TIAM1: variants seen among roughly 807,000 people sequenced by gnomAD.
The protein encoded by TIAM1 is TIAM Rac1 associated GEF 1.
In TIAM1, 65 loss-of-function variants were observed where a neutral mutation model predicts 163.5. The ratio of observed to expected loss-of-function variants is 0.40; its 90% CI spans 0.33 to 0.49. The LOEUF (loss-of-function observed/expected upper bound fraction) is 0.49. Ranked by LOEUF, TIAM1 falls within the 20% of genes least tolerant of loss-of-function variation. TIAM1 has a pLI of 0.77. For missense variants in TIAM1, 1,789 were observed against 2,044.7 expected (o/e 0.87, Z 2.41); for synonymous variants, 833 against 810.1 (o/e 1.03, Z -0.48).
chr21:31,142,647 GAAAGAAAAAAAGAAAAAGAA>G lies in TIAM1; in HGVS notation c.3476-1163_3476-1144del, dbSNP rs2082907378. ...CTCCGTCTCAAAAAAAAAAAAAAAAGAAAGAAAAAAAGAAAAAGAAAAAGAAAAAAAAGGCAAGCAGATGC... is the reference window on the plus strand; with the variant it reads ...CTCCGTCTCAAAAAAAAAAAAAAAAGAAAGAAAAAAAAGGCAAGCAGATGC... On this transcript the variant is annotated intron_variant, in intron 20 of 27. Transcript: ENST00000541036. Among the ~76,000 whole-genome samples, 5 of 130,220 alleles carry G rather than the reference GAAAGAAAAAAAGAAAAAGAA, an allele frequency of 3.8e-5. No homozygotes were observed. In the South Asian group the frequency reaches 1.2e-3, roughly 31 times the overall value. The allele number at this position is 130,220 out of a possible 152,430, so 85.4% of individuals were successfully genotyped here.
chr21:31,395,710 G>A lies in TIAM1; in HGVS notation c.-368-56288C>T, dbSNP rs769182797. On this transcript the variant is annotated intron_variant, in intron 2 of 28. Coordinates refer to the TIAM1 transcript ENST00000286827. The surrounding 1 kb of genome is among the most constrained non-coding windows in gnomAD (Gnocchi z 7.5). ...CATCTATCTTGGGGAGGGGGCGCAT[G>A]CGTTCCCCTGGCTGTCGCGTGAAAA... 2.6e-5 allele frequency among the ~76,000 whole-genome samples: 4 copies of A among 152,182 alleles called. No homozygotes were observed. Among genetic ancestry groups the A allele is most frequent in the Admixed American group, 6.5e-5 (1 of 15,274 alleles).
intron 9 of TIAM1, among the ~76,000 whole-genome samples, chr21:31,213,691 G>GA (rs551771993): frequency 0.1 from 14,820 of 148,300 alleles, 2,273 homozygotes; most frequent in African/African-American, 0.34. Context: ...TTGACAGTTG[G>GA]AAAAAAAAAA....
chr21:31,266,474 T>C lies in TIAM1; in HGVS notation c.499A>G (p.Lys167Glu). 6.2e-7 allele frequency: 1 copy of C among 1,614,192 alleles called. No homozygotes were observed. The highest frequency in any genetic ancestry group is 8.5e-7 in the Non-Finnish European group (1 of 1,180,044). ...ATGTCTGCAGATTTGGAGCGTTTCT[T>C]CTTAAAGCTCGCCGTCTCCATGAAA... The part of the protein sequence containing the change: ...PTFMETASFK[K>E]KRSKSADIWR... Residue 167 changes from lysine (K) to glutamate (E), a missense_variant, in exon 4 of 28, where the codon AAG becomes GAG. Lys to Glu is a moderately conservative substitution (Grantham distance 56, BLOSUM62 1). This residue lies in a region of TIAM1 where 555 missense variants were observed against 564.9 expected (regional missense o/e 0.98). Transcript: ENST00000541036.
At position 31,153,142 on chromosome 21, in the gene TIAM1, T is replaced by A. The variant is rs2083456290; in HGVS notation, c.3172-8A>T. 6.2e-7 allele frequency: 1 copy of A among 1,603,532 alleles called. No homozygotes were observed. Among genetic ancestry groups the A allele is most frequent in the Admixed American group, 1.7e-5 (1 of 57,784 alleles). On this transcript the variant is annotated splice_region_variant and splice_polypyrimidine_tract_variant and intron_variant, in intron 17 of 27. Coordinates refer to ENST00000541036, the MANE Select transcript of TIAM1 (RefSeq NM_001353694.2). The stretch of plus-strand genomic sequence containing the variant: ...CATAAGACAGTTTAAATCCTAAGAA[T>A]TGAAAAGAGAACTCATTAGCTTATG...
Position 31,442,630 on chromosome 21 carries a change from T to C in TIAM1, c.-369+21353A>G, listed in dbSNP as rs79820124. Among the ~76,000 whole-genome samples the C allele has an allele frequency of 7.0e-4, 106 of 152,262 alleles. 5 individuals are homozygous for C. In the East Asian group the frequency reaches 0.019, roughly 28 times the overall value. The stretch of plus-strand genomic sequence containing the variant: ...CAAAGGTGGAAAATGAGGAACTTGA[T>C]CAGATTATCAAGGGTGGTCAGATAT... On this transcript the variant is annotated intron_variant, in intron 2 of 28. Coordinates refer to the TIAM1 transcript ENST00000286827.
At chr21:31,452,963 G>T in intron 2 of TIAM1, 1 of 512,604 alleles carries the variant, frequency 2.0e-6, no homozygotes, top group Admixed American at 2.1e-5. Flanking sequence ...GTGAACTCAG[G>T]CTGAATGGGG....
chr21:31,399,508 G>A (rs1049302897), intron 2 of TIAM1, among the ~76,000 whole-genome samples: 1 of 152,096 alleles, frequency 6.6e-6, no homozygotes, highest in African/African-American at 2.4e-5. Flanking sequence ...CATCCACTGT[G>A]GGGGGAAATA....
At chr21:31,134,631 C>T (rs1212222043) in intron 23 of TIAM1, among the ~76,000 whole-genome samples, 1 of 152,172 alleles carries the variant, frequency 6.6e-6, no homozygotes, top group Non-Finnish European at 1.5e-5. Context: ...CTGCCTTAGC[C>T]TCCCAAGTAG....
intron 2 of TIAM1, among the ~76,000 whole-genome samples, chr21:31,364,381 T>C (rs1489924240): frequency 6.6e-6 from 1 of 151,892 alleles, no homozygotes; most frequent in African/African-American, 2.4e-5. Context: ...ACTAAGATTG[T>C]GATCAAATGA....
intron 1 of TIAM1, among the ~76,000 whole-genome samples, chr21:31,557,814 C>T (rs1376585162): frequency 1.3e-5 from 2 of 152,144 alleles, no homozygotes; most frequent in African/African-American, 2.4e-5. Flanking sequence ...GACCCGGGGG[C>T]AAGACCAGGA....
chr21:31,162,202 C>T (rs922960660), intron 16 of TIAM1, among the ~76,000 whole-genome samples: 2 of 152,118 alleles, frequency 1.3e-5, no homozygotes, highest in Non-Finnish European at 2.9e-5. Flanking sequence ...CCTCTCTGTT[C>T]CAGTGCCCTC....
chr21:31,490,274 T>TA (rs2147418300), intron 1 of TIAM1, among the ~76,000 whole-genome samples: 1 of 152,312 alleles, frequency 6.6e-6, no homozygotes, highest in South Asian at 2.1e-4. Context: ...AGTGGCTTTA[T>TA]AAAAAAATTC....
intron 1 of TIAM1, among the ~76,000 whole-genome samples, chr21:31,487,971 C>A (rs1441889553): frequency 1.3e-5 from 2 of 152,200 alleles, no homozygotes; most frequent in Non-Finnish European, 2.9e-5. Flanking sequence ...GGATTACAGG[C>A]ACGAGCCACT....
At position 31,551,658 on chromosome 21, in the gene TIAM1, G is replaced by A. The variant is rs150410731; in HGVS notation, c.-422+7269C>T. Among the ~76,000 whole-genome samples the A allele has an allele frequency of 2.6e-3, 403 of 152,238 alleles. 15 individuals carry two copies. The East Asian group carries it at 0.06, about 23-fold the overall frequency. ...CTCCAAAGGCTGAGGCAGGAGGATCGCTTGAGCCTGGGTGCTTGAGGCTGC... is the reference window on the plus strand; with the variant it reads ...CTCCAAAGGCTGAGGCAGGAGGATCACTTGAGCCTGGGTGCTTGAGGCTGC... On this transcript the variant is annotated intron_variant, in intron 1 of 28. Coordinates refer to the TIAM1 transcript ENST00000286827.
At chr21:31,557,468 T>C (rs540239433) in intron 1 of TIAM1, among the ~76,000 whole-genome samples, 67 of 152,130 alleles carry the variant, frequency 4.4e-4, no homozygotes, top group Non-Finnish European at 8.2e-4. Flanking sequence ...TATCCCCACT[T>C]TACAGATGCG....
intron 16 of TIAM1, among the ~76,000 whole-genome samples, chr21:31,158,890 C>T (rs747386405): frequency 4.6e-5 from 7 of 152,078 alleles, no homozygotes; most frequent in Non-Finnish European, 7.3e-5. Context: ...CAAGGCTTTG[C>T]CCCGCTCCAC....
At chr21:31,463,034 C>T (rs1046983525) in intron 2 of TIAM1, among the ~76,000 whole-genome samples, 14 of 152,096 alleles carry the variant, frequency 9.2e-5, no homozygotes, top group African/African-American at 1.4e-4. Flanking sequence ...CATGAGCCAC[C>T]GCGCCCAGCC....
intron 5 of TIAM1, 115 bp from the exon 6 acceptor site, chr21:31,245,775 AC>A (rs1253647004): frequency 2.0e-6 from 2 of 1,014,394 alleles, no homozygotes; most frequent in Non-Finnish European, 2.6e-6. Context: ...AGCACGTGGA[AC>A]CCAGGAAGTA....
At chr21:31,197,079 A>G (rs2085896317) in intron 12 of TIAM1, among the ~76,000 whole-genome samples, 1 of 152,142 alleles carries the variant, frequency 6.6e-6, no homozygotes, top group African/African-American at 2.4e-5. Flanking sequence ...GATACTGGGG[A>G]CTACCAGAGG....
Sources: allele counts gnomAD v4.1 joint callset (sites outside exome capture counted in the v4.1 genomes callset), GRCh38; gene constraint gnomAD v4.1.1; regional missense constraint gnomAD v4.1.1; non-coding constraint Gnocchi (gnomAD v3.1); transcripts MANE v1.5; gene names NCBI Gene and HGNC (gene_info 2026-07-23, HGNC 2026-07-21).